The following ARMH4 variants were observed in gnomAD, a reference collection of about 807,000 sequenced individuals.
ARMH4 encodes armadillo like helical domain containing 4.
ARMH4 carries 49 observed loss-of-function variants against 61.9 expected under a neutral mutation model. That is an observed-to-expected ratio of 0.79 (90% CI 0.63 to 1.00). The LOEUF is 1.00. Among genes scored for constraint, ARMH4 ranks in the 50% least tolerant of loss-of-function variants. The pLI is 0.00. For synonymous variants in ARMH4, 368 were observed against 341.5 expected (o/e 1.08, Z -0.85); for missense variants, 934 against 930.0 (o/e 1.00, Z -0.06).
At chr14:58,094,233 G>C (rs898773690) in intron 5 of ARMH4, among the ~76,000 whole-genome samples, 1 of 151,134 alleles carries the variant, frequency 6.6e-6, no homozygotes, top group South Asian at 2.1e-4. Flanking sequence ...AGGAGGCTGA[G>C]GCAGGAGAAT....
At chr14:58,054,887 AATAAT>A (rs1884284846) in intron 5 of ARMH4, among the ~76,000 whole-genome samples, 2 of 80,556 alleles carry the variant, frequency 2.5e-5, no homozygotes, top group South Asian at 5.5e-4. Flanking sequence ...AAAAAAAAAT[AATAAT>A]AATAATAATA....
At position 58,139,390 on chromosome 14, in the gene ARMH4, A is replaced by G; in HGVS notation, c.-32T>C. Reference sequence around the variant, plus strand: ...AGAGAAATGGCACGTACACTGGCAGAGTTGACAAGTCCAGTAATTGAATCC... The same window carrying G: ...AGAGAAATGGCACGTACACTGGCAGGGTTGACAAGTCCAGTAATTGAATCC... On this transcript the variant is annotated 5_prime_UTR_variant, in exon 2 of 8. Transcript: ENST00000267485. The G allele has an allele frequency of 6.2e-7, 1 of 1,603,160 alleles. No homozygotes were observed. Among genetic ancestry groups the G allele is most frequent in the Non-Finnish European group, 8.5e-7 (1 of 1,172,612 alleles).
Position 58,003,062 on chromosome 14 carries a change from G to A in ARMH4, c.*1674C>T, listed in dbSNP as rs1409543049. 1.3e-5 allele frequency: 2 copies of A among 152,140 alleles called. No individual in the cohort carries two copies. Among genetic ancestry groups the A allele is most frequent in the South Asian group, 2.1e-4 (1 of 4,830 alleles). The allele number at this position is 152,140 out of a possible 1,614,324, so 9.4% of individuals were successfully genotyped here. ...AATAACTGATAACTGAGATGGGGAA[G>A]GAAAGAACTTGTGTGTGAGTAAGAG... On this transcript the variant is annotated 3_prime_UTR_variant, in exon 8 of 8. Transcript: ENST00000267485.
At chr14:58,006,666 AAATT>A (rs1347131930) in intron 6 of ARMH4, among the ~76,000 whole-genome samples, 2 of 151,936 alleles carry the variant, frequency 1.3e-5, no homozygotes, top group African/African-American at 2.4e-5. Flanking sequence ...ATTTTTCAAT[AAATT>A]AATATGCCTT....
intron 4 of ARMH4, among the ~76,000 whole-genome samples, chr14:58,111,135 T>C (rs1447183189): frequency 1.3e-5 from 2 of 152,192 alleles, no homozygotes; most frequent in Non-Finnish European, 2.9e-5. Context: ...TTGCTAACAG[T>C]TGGAGACAAT....
intron 5 of ARMH4, among the ~76,000 whole-genome samples, chr14:58,030,431 C>T (rs1312077275): frequency 6.6e-6 from 1 of 152,198 alleles, no homozygotes. Context: ...CAAAACCACA[C>T]CTGTGTTGAT....
intron 4 of ARMH4, among the ~76,000 whole-genome samples, chr14:58,116,956 G>C (rs1016807130): frequency 1.3e-5 from 2 of 152,090 alleles, no homozygotes; most frequent in Admixed American, 6.5e-5. Flanking sequence ...TTCAATACTT[G>C]CTCCTTTATT....
At chr14:58,024,741 C>G (rs779412667) in intron 5 of ARMH4, among the ~76,000 whole-genome samples, 2 of 152,108 alleles carry the variant, frequency 1.3e-5, no homozygotes, top group African/African-American at 2.4e-5. Flanking sequence ...CACTTGAACA[C>G]CTAGAGGCCA....
chr14:58,036,780 A>T (rs1272267387), intron 5 of ARMH4, among the ~76,000 whole-genome samples: 1 of 119,412 alleles, frequency 8.4e-6, no homozygotes, highest in African/African-American at 3.0e-5. Context: ...GAGCCAAATC[A>T]TGAGTGAACT....
At chr14:58,059,159 G>A (rs1019255802) in intron 5 of ARMH4, among the ~76,000 whole-genome samples, 1 of 152,266 alleles carries the variant, frequency 6.6e-6, no homozygotes, top group African/African-American at 2.4e-5. Flanking sequence ...GATGCAAAGA[G>A]AAGGTCCTGT....
chr14:58,128,603 TAA>T (rs1224107329), intron 4 of ARMH4, among the ~76,000 whole-genome samples: 1 of 152,156 alleles, frequency 6.6e-6, no homozygotes, highest in Non-Finnish European at 1.5e-5. Flanking sequence ...GCTGACAAGA[TAA>T]AAGACACTGA....
intron 1 of ARMH4, among the ~76,000 whole-genome samples, chr14:58,150,255 A>T (rs1462096073): frequency 6.6e-6 from 1 of 152,246 alleles, no homozygotes; most frequent in Non-Finnish European, 1.5e-5. Flanking sequence ...CACAATATGG[A>T]AAAATAAGAT....
chr14:58,002,082 T>A lies in ARMH4; in HGVS notation c.*2654A>T, dbSNP rs1034847978. ...ACTTGTCACTTATTTTGGGTAAACC[T>A]ACAAGTGCCTGATTTACTACTTCTC... is the stretch of plus-strand genomic sequence containing the variant. On this transcript the variant is annotated 3_prime_UTR_variant, in exon 8 of 8. Transcript: ENST00000267485. 3.3e-5 allele frequency: 5 copies of A among 152,348 alleles called. No homozygotes were observed. In the South Asian group the frequency reaches 1.0e-3, roughly 32 times the overall value. 9.4% of individuals were successfully genotyped at this position (152,348 alleles called of 1,614,324 possible). A position where few individuals can be genotyped will look rare whatever the true frequency, so the allele number is the denominator to read the frequency against.
At chr14:58,041,391 T>G (rs761762138) in intron 5 of ARMH4, among the ~76,000 whole-genome samples, 1 of 152,056 alleles carries the variant, frequency 6.6e-6, no homozygotes, top group South Asian at 2.1e-4. Flanking sequence ...GACAAGCAAA[T>G]GCTGAGAGAT....
In ARMH4 at chr14:58,134,849, C is replaced by T. The variant is rs184896991; in HGVS notation, c.1370-1508G>A. Among the ~76,000 whole-genome samples, 8 of 150,792 alleles carry T rather than the reference C, an allele frequency of 5.3e-5. No homozygotes were observed. In the East Asian group the frequency reaches 1.4e-3, roughly 26 times the overall value. On this transcript the variant is annotated intron_variant, in intron 2 of 7. Coordinates refer to ENST00000267485, the MANE Select transcript of ARMH4 (RefSeq NM_001001872.4). Reference sequence around the variant, plus strand: ...GCACATTCCTGTCATCCCAGCCACCCGGGAGGATGAGGCAGGACAATTGCC... The same window carrying T: ...GCACATTCCTGTCATCCCAGCCACCTGGGAGGATGAGGCAGGACAATTGCC...
intron 5 of ARMH4, among the ~76,000 whole-genome samples, chr14:58,051,577 C>T (rs936442451): frequency 6.6e-6 from 1 of 152,186 alleles, no homozygotes; most frequent in African/African-American, 2.4e-5. Flanking sequence ...TTCAGAGAAC[C>T]TTTACAGGGT....
rs1317567281 is a variant in ARMH4 at position 58,094,348 on chromosome 14, C to T, written c.2089+2376G>A. Among the ~76,000 whole-genome samples, 11 of 87,748 alleles carry T rather than the reference C, an allele frequency of 1.3e-4. 1 individual carries two copies. Among genetic ancestry groups the T allele is most frequent in the Non-Finnish European group, 2.8e-4 (11 of 39,006 alleles). The allele number at this position is 87,748 out of a possible 152,430, so 57.6% of individuals were successfully genotyped here. ...CTTTCTCAAAAAAAAAAAAAAAGAA[C>T]TTTAGCTGTGCAAGGGGACTGAAAT... On this transcript the variant is annotated intron_variant, in intron 5 of 7. Coordinates refer to ENST00000267485, the MANE Select transcript of ARMH4 (RefSeq NM_001001872.4).
chr14:58,036,004 T>G (rs1883468155), intron 5 of ARMH4, among the ~76,000 whole-genome samples: 1 of 129,724 alleles, frequency 7.7e-6, no homozygotes, highest in Non-Finnish European at 1.7e-5. Context: ...CTTCTGAAAC[T>G]ATTCCAATTA....
At chr14:58,049,755 T>G (rs1050448163) in intron 5 of ARMH4, among the ~76,000 whole-genome samples, 15 of 152,134 alleles carry the variant, frequency 9.9e-5, no homozygotes, top group Middle Eastern at 3.2e-3. Context: ...TAGGGAGAAC[T>G]TTTACTGCTA....
Sources: allele counts gnomAD v4.1 joint callset (sites outside exome capture counted in the v4.1 genomes callset), GRCh38; gene constraint gnomAD v4.1.1; transcripts MANE v1.5; gene names NCBI Gene and HGNC (gene_info 2026-07-23, HGNC 2026-07-21).